Variants in PEAK1 observed in about 807,000 individuals in gnomAD.
PEAK1 encodes the protein inactive tyrosine-protein kinase PEAK1.
PEAK1 carries 54 observed loss-of-function variants against 124.7 expected under a neutral mutation model. The observed-to-expected ratio is 0.43, with a 90% confidence interval of 0.35 to 0.54. The LOEUF (loss-of-function observed/expected upper bound fraction) is 0.54, where lower values mean the gene tolerates loss of function less well. PEAK1 is among the 20% of genes least tolerant of loss of function. The pLI is 0.01. For synonymous variants in PEAK1, 719 were observed against 760.0 expected (o/e 0.95, Z 0.89); for missense variants, 2,046 against 2,134.5 (o/e 0.96, Z 0.82).
At chr15:77,347,149 G>A (rs1023058635) in intron 2 of PEAK1, 19 of 879,716 alleles carry the variant, frequency 2.2e-5, no homozygotes, top group Non-Finnish European at 2.5e-5. Flanking sequence ...GACAAAAGAA[G>A]GCCAGTGTAG....
Position 77,259,727 on chromosome 15 carries a change from T to C in PEAK1, c.-274-7201A>G, listed in dbSNP as rs909049351. Among the ~76,000 whole-genome samples, 2 of 152,150 alleles carry C rather than the reference T, an allele frequency of 1.3e-5. 1 individual carries two copies. The highest frequency in any genetic ancestry group is 4.8e-5 in the African/African-American group (2 of 41,442). On this transcript the variant is annotated intron_variant, in intron 5 of 9. Transcript: ENST00000682557. ...CTATTTTCAGACACAGGCAATGCAG[T>C]ATTATGATCCCTAAGAAAACAGAAA... is the stretch of plus-strand genomic sequence containing the variant.
At chr15:77,416,876 G>A (rs1595893545) in intron 1 of PEAK1, among the ~76,000 whole-genome samples, 1 of 152,174 alleles carries the variant, frequency 6.6e-6, no homozygotes, top group Non-Finnish European at 1.5e-5. Context: ...TGGATATACT[G>A]AGTTTATATT....
intron 2 of PEAK1, among the ~76,000 whole-genome samples, chr15:77,326,988 A>C (rs1484257323): frequency 6.6e-6 from 1 of 152,116 alleles, no homozygotes; most frequent in African/African-American, 2.4e-5. Flanking sequence ...ACATCCAAAA[A>C]TACTTAGCAG....
chr15:77,371,338 G>A (rs1387549802), intron 1 of PEAK1: 1 of 911,244 alleles, frequency 1.1e-6, no homozygotes, highest in African/African-American at 1.8e-5. Context: ...CTTTAATTAT[G>A]CAGTATAATA....
chr15:77,351,029 T>C (rs2067176929), intron 2 of PEAK1: 2 of 844,546 alleles, frequency 2.4e-6, no homozygotes, highest in Non-Finnish European at 2.9e-6. Context: ...AATACCATGC[T>C]GAATCAAATC....
At chr15:77,370,835 T>C (rs1193491849) in intron 1 of PEAK1, 3 of 689,896 alleles carry the variant, frequency 4.3e-6, no homozygotes, top group African/African-American at 3.9e-5. Context: ...TTCGAGACCA[T>C]CCTGGCCAAA....
intron 2 of PEAK1, among the ~76,000 whole-genome samples, chr15:77,319,046 T>C (rs970687888): frequency 6.6e-6 from 1 of 152,262 alleles, no homozygotes; most frequent in Admixed American, 6.5e-5. Context: ...CCTAATAGGA[T>C]CCAAAGAAGA....
chr15:77,368,284 G>C (rs2068394791), intron 1 of PEAK1, among the ~76,000 whole-genome samples: 1 of 152,156 alleles, frequency 6.6e-6, no homozygotes, highest in Admixed American at 6.5e-5. Context: ...ACGAGGCCAA[G>C]GCGGGCGGAT....
chr15:77,401,353 C>T (rs1300386737), intron 1 of PEAK1, among the ~76,000 whole-genome samples: 3 of 152,118 alleles, frequency 2.0e-5, no homozygotes, highest in African/African-American at 7.2e-5. Context: ...TGATAGATGT[C>T]TAATTTGCTG....
chr15:77,404,350 C>A, intron 1 of PEAK1: 1 of 982,336 alleles, frequency 1.0e-6, no homozygotes, highest in South Asian at 4.7e-5. Context: ...TACTAGCCAC[C>A]TGTGGCTACG....
At chr15:77,261,735 T>C (rs1567181368) in intron 5 of PEAK1, among the ~76,000 whole-genome samples, 3 of 152,050 alleles carry the variant, frequency 2.0e-5, no homozygotes, top group South Asian at 2.1e-4. Context: ...CAGGCCAACA[T>C]TCAGATTCGG....
chr15:77,178,903 C>G lies in PEAK1; in HGVS notation c.3024G>C (p.Arg1008Ser). The G allele has an allele frequency of 6.2e-7, 1 of 1,614,088 alleles. No individual in the cohort carries two copies. Among genetic ancestry groups the G allele is most frequent in the Non-Finnish European group, 8.5e-7 (1 of 1,180,004 alleles). ...TCTCCATGACTGCTGCCTGGTCTGT[C>G]CTAGCCTTGCTCTGATCCACACTGA... is the stretch of plus-strand genomic sequence containing the variant. ...GQLSVDQSKA[R>S]TDQAAVMEKG... The change falls in exon 7 of 10, where the codon AGG (arginine) becomes AGC (serine). Residue 1008 changes from arginine to serine, a missense_variant. Arg to Ser is a moderately radical substitution (Grantham distance 110). Transcript: ENST00000682557.
chr15:77,110,522 G>C lies in PEAK1; in HGVS notation c.*3634C>G, dbSNP rs1291330631. ...TTTCCCATGTTTACAAACTTATTCTGAGTTTGGAAGCAAAAGTGACCCCCA... is the reference window on the plus strand; with the variant it reads ...TTTCCCATGTTTACAAACTTATTCTCAGTTTGGAAGCAAAAGTGACCCCCA... On this transcript the variant is annotated 3_prime_UTR_variant, in exon 10 of 10. Coordinates refer to ENST00000682557, the MANE Select transcript of PEAK1 (RefSeq NM_001385026.1). 6.6e-6 allele frequency: 1 copy of C among 152,174 alleles called. No homozygotes were observed. Among genetic ancestry groups the C allele is most frequent in the Non-Finnish European group, 1.5e-5 (1 of 68,022 alleles). 9.4% of individuals were successfully genotyped at this position (152,174 alleles called of 1,614,324 possible).
chr15:77,199,694 C>T (rs1377496107), intron 6 of PEAK1, among the ~76,000 whole-genome samples: 3 of 152,006 alleles, frequency 2.0e-5, no homozygotes, highest in Non-Finnish European at 4.4e-5. Context: ...TAAAAGGTGT[C>T]GAGATATGGC....
At chr15:77,221,113 T>TG (rs2059369652) in intron 6 of PEAK1, among the ~76,000 whole-genome samples, 1 of 152,122 alleles carries the variant, frequency 6.6e-6, no homozygotes. Flanking sequence ...CTGTAGCATA[T>TG]GCCCTTTACC....
At chr15:77,274,661 AC>A (rs1220443334) in intron 5 of PEAK1, among the ~76,000 whole-genome samples, 2 of 152,050 alleles carry the variant, frequency 1.3e-5, no homozygotes, top group Middle Eastern at 3.2e-3. Flanking sequence ...AAATAAAAAA[AC>A]ATAGATGTTG....
At chr15:77,213,153 T>C (rs1596643093) in intron 6 of PEAK1, among the ~76,000 whole-genome samples, 1 of 152,312 alleles carries the variant, frequency 6.6e-6, no homozygotes, top group East Asian at 1.9e-4. Flanking sequence ...TAATGTTCTA[T>C]GCAATGCTTT....
chr15:77,380,984 T>C (rs1195899680), intron 1 of PEAK1, among the ~76,000 whole-genome samples: 2 of 152,170 alleles, frequency 1.3e-5, no homozygotes, highest in Non-Finnish European at 2.9e-5. Flanking sequence ...AAGTTTTATT[T>C]AGACAATATG....
At chr15:77,379,975 T>C (rs936344181) in intron 1 of PEAK1, among the ~76,000 whole-genome samples, 9 of 152,192 alleles carry the variant, frequency 5.9e-5, no homozygotes, top group Non-Finnish European at 1.0e-4. Flanking sequence ...CTTTTCTTCC[T>C]CAACAATTAC....
Sources: allele counts gnomAD v4.1 joint callset (sites outside exome capture counted in the v4.1 genomes callset), GRCh38; gene constraint gnomAD v4.1.1; transcripts MANE v1.5; gene names NCBI Gene and HGNC (gene_info 2026-07-23, HGNC 2026-07-21).